The following AK5 variants were observed in gnomAD, a reference collection of about 807,000 sequenced individuals.
The protein encoded by AK5 is adenylate kinase isoenzyme 5.
In AK5, 27 loss-of-function variants were observed where a neutral mutation model predicts 69.5. The ratio of observed to expected loss-of-function variants is 0.39; its 90% CI spans 0.29 to 0.54. The LOEUF is 0.54. Among genes scored for constraint, AK5 ranks in the 20% least tolerant of loss-of-function variants. The probability of loss-of-function intolerance (pLI) is 0.71; values close to 1 mark genes in which losing one functional copy is unlikely to be tolerated. For synonymous variants in AK5, 260 were observed against 244.4 expected, an observed-to-expected ratio of 1.06 and a Z score of -0.60; for missense variants, 531 against 700.4, an observed-to-expected ratio of 0.76 and a Z score of 2.73.
At chr1:77,491,456 G>A (rs1250204721) in intron 10 of AK5, among the ~76,000 whole-genome samples, 3 of 151,998 alleles carry the variant, frequency 2.0e-5, no homozygotes, top group African/African-American at 7.3e-5. Context: ...ACAGGCGCCT[G>A]CCATGGCGCC....
At position 77,559,152 on chromosome 1, in the gene AK5, G is replaced by GTCAAC. The variant is rs1335930186; in HGVS notation, c.*485_*489dup. The GTCAAC allele has an allele frequency of 6.5e-6, 1 of 152,690 alleles. No individual in the cohort carries two copies. The highest frequency in any genetic ancestry group is 1.5e-5 in the Non-Finnish European group (1 of 68,464). The allele number at this position is 152,690 out of a possible 1,614,324, so 9.5% of individuals were successfully genotyped here. A position where few individuals can be genotyped will look rare whatever the true frequency, so the allele number is the denominator to read the frequency against. ...TCTTCCTTTGGTGTCTGGCTGTTTT[G>GTCAAC]TCAACTCTCATCCACTGGTGGCTCA... On this transcript the variant is annotated 3_prime_UTR_variant, in exon 14 of 14. Coordinates refer to ENST00000354567, the MANE Select transcript of AK5 (RefSeq NM_174858.3).
chr1:77,474,118 A>G (rs1654683409), intron 8 of AK5, among the ~76,000 whole-genome samples: 1 of 152,158 alleles, frequency 6.6e-6, no homozygotes, highest in African/African-American at 2.4e-5. Context: ...TCTCATGTGG[A>G]GTTTATCTTA....
At chr1:77,337,870 A>G (rs947903359) in intron 5 of AK5, among the ~76,000 whole-genome samples, 1 of 152,190 alleles carries the variant, frequency 6.6e-6, no homozygotes, top group African/African-American at 2.4e-5. Context: ...TGATTCTACA[A>G]TCCATGCTCC....
chr1:77,500,275 G>A (rs905212521), intron 10 of AK5, among the ~76,000 whole-genome samples: 13 of 152,104 alleles, frequency 8.5e-5, no homozygotes, highest in Non-Finnish European at 1.6e-4. Context: ...AAGAGATACA[G>A]CTTTTGGTAA....
intron 5 of AK5, among the ~76,000 whole-genome samples, chr1:77,322,865 T>G (rs564330227): frequency 1.3e-5 from 2 of 152,358 alleles, no homozygotes; most frequent in East Asian, 3.8e-4. Flanking sequence ...GACAACATAT[T>G]AAAGTGAATT....
At chr1:77,406,925 C>T (rs1297134700) in intron 6 of AK5, among the ~76,000 whole-genome samples, 1 of 151,940 alleles carries the variant, frequency 6.6e-6, no homozygotes, top group Admixed American at 6.6e-5. Context: ...AAACTGTTTC[C>T]AAGTAACTAA....
intron 5 of AK5, among the ~76,000 whole-genome samples, chr1:77,331,718 C>G (rs1178798963): frequency 2.6e-5 from 4 of 151,966 alleles, no homozygotes; most frequent in Non-Finnish European, 5.9e-5. Context: ...TTATGGTAGC[C>G]TCATAAAATG....
At chr1:77,475,083 G>A (rs1654763461) in intron 8 of AK5, among the ~76,000 whole-genome samples, 1 of 151,350 alleles carries the variant, frequency 6.6e-6, no homozygotes, top group Non-Finnish European at 1.5e-5. Flanking sequence ...GATTACAGGT[G>A]TGAGCCACTG....
chr1:77,548,845 A>G (rs937794744), intron 13 of AK5, among the ~76,000 whole-genome samples: 2 of 151,626 alleles, frequency 1.3e-5, no homozygotes, highest in Non-Finnish European at 2.9e-5. Flanking sequence ...TTTTCCTTCA[A>G]GAAGTCAGGT....
chr1:77,525,497 G>A lies in AK5; in HGVS notation c.1428+3554G>A, dbSNP rs1259052369. ...TCCACTCACAGCGGAAGGTGAGGGA[G>A]AAGCCAGTGCATCACATGTTGAGAG... is the stretch of plus-strand genomic sequence containing the variant. On this transcript the variant is annotated intron_variant, in intron 12 of 13. Transcript: ENST00000354567. Among the ~76,000 whole-genome samples, 3 of 152,190 alleles carry A rather than the reference G, an allele frequency of 2.0e-5. No homozygotes were observed. In the South Asian group the frequency reaches 6.2e-4, roughly 32 times the overall value.
chr1:77,356,744 T>TA (rs1662545997), intron 6 of AK5, among the ~76,000 whole-genome samples: 1 of 152,226 alleles, frequency 6.6e-6, no homozygotes, highest in Non-Finnish European at 1.5e-5. Flanking sequence ...TTATTAGTGC[T>TA]ATGGTAGCCA....
At chr1:77,304,652 G>A (rs528374466) in intron 5 of AK5, among the ~76,000 whole-genome samples, 7 of 152,062 alleles carry the variant, frequency 4.6e-5, no homozygotes, top group African/African-American at 9.7e-5. Context: ...TGATCCACCC[G>A]CCTCTGCCTC....
At chr1:77,435,917 C>T (rs1342009269) in intron 8 of AK5, among the ~76,000 whole-genome samples, 2 of 152,144 alleles carry the variant, frequency 1.3e-5, no homozygotes, top group Non-Finnish European at 2.9e-5. Context: ...ACACAAAACT[C>T]CTTTTATAAA....
At chr1:77,324,275 A>C (rs1660674744) in intron 5 of AK5, among the ~76,000 whole-genome samples, 1 of 143,746 alleles carries the variant, frequency 7.0e-6, no homozygotes, top group Non-Finnish European at 1.5e-5. Flanking sequence ...TAAAAATTCA[A>C]TTAATTAAGT....
intron 10 of AK5, among the ~76,000 whole-genome samples, chr1:77,495,693 G>A (rs185047836): frequency 2.3e-4 from 35 of 152,280 alleles, no homozygotes; most frequent in Admixed American, 7.2e-4. Flanking sequence ...GTGTTTGAGC[G>A]TGTGATGCTG....
chr1:77,300,119 A>C (rs963374751), intron 5 of AK5, among the ~76,000 whole-genome samples: 1 of 152,164 alleles, frequency 6.6e-6, no homozygotes, highest in African/African-American at 2.4e-5. Flanking sequence ...TGTGACTTGC[A>C]GTAGGTGGGA....
chr1:77,434,763 A>C (rs55924989), intron 8 of AK5, among the ~76,000 whole-genome samples: 9,098 of 152,310 alleles, frequency 0.06, 425 homozygotes, highest in Admixed American at 0.15. Context: ...TTCTTACTGG[A>C]AGCCCGTTTA....
At chr1:77,410,735 T>G (rs976498594) in intron 6 of AK5, among the ~76,000 whole-genome samples, 3 of 151,980 alleles carry the variant, frequency 2.0e-5, no homozygotes, top group Non-Finnish European at 4.4e-5. Context: ...CTCCATAAAT[T>G]AAGAAAATAT....
chr1:77,312,803 T>A (rs1202580813), intron 5 of AK5, among the ~76,000 whole-genome samples: 1 of 152,020 alleles, frequency 6.6e-6, no homozygotes, highest in Non-Finnish European at 1.5e-5. Flanking sequence ...TTTCTTCCAG[T>A]TTTTCCCTCT....
Sources: allele counts gnomAD v4.1 joint callset (sites outside exome capture counted in the v4.1 genomes callset), GRCh38; gene constraint gnomAD v4.1.1; transcripts MANE v1.5; gene names NCBI Gene and HGNC (gene_info 2026-07-23, HGNC 2026-07-21).